Variants in SHANK2 observed in about 807,000 individuals in gnomAD.
The protein encoded by SHANK2 is SH3 and multiple ankyrin repeat domains 2.
In SHANK2, 43 loss-of-function variants were observed where a neutral mutation model predicts 133.7. That is an observed-to-expected ratio of 0.32 (90% CI 0.25 to 0.41). The LOEUF is 0.41. Among genes scored for constraint, SHANK2 ranks in the 10% least tolerant of loss-of-function variants. The pLI is 1.00. For synonymous variants in SHANK2, 1,017 were observed against 952.8 expected (o/e 1.07, Z -1.24); for missense variants, 1,994 against 2,235.8 (o/e 0.89, Z 2.18).
At chr11:70,709,480 G>A (rs1419699053) in intron 14 of SHANK2, among the ~76,000 whole-genome samples, 1 of 152,248 alleles carries the variant, frequency 6.6e-6, no homozygotes, top group African/African-American at 2.4e-5. Flanking sequence ...ACCTGGCTGA[G>A]GAAGGAGGAG....
intron 17 of SHANK2, among the ~76,000 whole-genome samples, chr11:70,533,057 G>C (rs568850818): frequency 2.6e-5 from 4 of 152,124 alleles, no homozygotes; most frequent in Admixed American, 1.3e-4. Flanking sequence ...AATTCACAGC[G>C]GCGGAAAGCA....
Position 70,671,264 on chromosome 11 carries a change from G to A in SHANK2, c.1854-9586C>T, listed in dbSNP as rs201006667. Among the ~76,000 whole-genome samples the A allele has an allele frequency of 1.1e-4, 16 of 152,240 alleles. No individual in the cohort carries two copies. The East Asian group carries it at 2.7e-3, about 26-fold the overall frequency. On this transcript the variant is annotated intron_variant, in intron 15 of 25. Transcript: ENST00000601538. ...ATCAGCGCTCCCTGCCGAGACGAAC[G>A]GAAACGTCGTCTAGGAGGGAGAATG...
At chr11:70,585,548 C>T (rs557324821) in intron 17 of SHANK2, among the ~76,000 whole-genome samples, 14 of 152,298 alleles carry the variant, frequency 9.2e-5, no homozygotes, top group East Asian at 5.8e-4. Flanking sequence ...TGCTTTTATC[C>T]AGACATCCAT....
At chr11:70,849,171 G>A (rs1240927309) in intron 11 of SHANK2, among the ~76,000 whole-genome samples, 1 of 152,232 alleles carries the variant, frequency 6.6e-6, no homozygotes, top group Non-Finnish European at 1.5e-5. Context: ...CCCATAGGCA[G>A]GGTGTGAGGA....
At chr11:70,942,730 G>A (rs782048582) in intron 10 of SHANK2, 20 of 456,348 alleles carry the variant, frequency 4.4e-5, no homozygotes, top group Non-Finnish European at 7.5e-5. Context: ...CCAAGCATCA[G>A]TTGCACTCTG....
At chr11:71,114,412 G>A (rs924589399) in intron 4 of SHANK2, among the ~76,000 whole-genome samples, 10 of 152,258 alleles carry the variant, frequency 6.6e-5, no homozygotes, top group African/African-American at 2.2e-4. Context: ...ACTGAAAGTC[G>A]CATCTCACAG....
intron 17 of SHANK2, among the ~76,000 whole-genome samples, chr11:70,563,348 C>A (rs1024104700): frequency 6.6e-5 from 10 of 152,166 alleles, no homozygotes; most frequent in African/African-American, 2.4e-4. Flanking sequence ...CAGTACACTT[C>A]CACTCTTCCC....
chr11:70,471,013 A>T lies in SHANK2; in HGVS notation c.*1856T>A. 3.1e-6 allele frequency: 1 copy of T among 325,856 alleles called. No homozygotes were observed. The highest frequency in any genetic ancestry group is 5.5e-6 in the Non-Finnish European group (1 of 181,694). 20.2% of individuals were successfully genotyped at this position (325,856 alleles called of 1,614,324 possible). A position where few individuals can be genotyped will look rare whatever the true frequency, so the allele number is the denominator to read the frequency against. On this transcript the variant is annotated 3_prime_UTR_variant, in exon 26 of 26. Transcript: ENST00000601538. The surrounding 1 kb of genome is among the most constrained non-coding windows in gnomAD (Gnocchi z 4.1). ...AGATGCATCCAAATAAGGTTGATTT[A>T]AAAAGGTCATACTTTTATAATTATT... is the stretch of plus-strand genomic sequence containing the variant.
At chr11:70,948,097 A>G (rs61885544) in intron 10 of SHANK2, among the ~76,000 whole-genome samples, 289 of 151,390 alleles carry the variant, frequency 1.9e-3, no homozygotes, top group Non-Finnish European at 3.5e-3. Context: ...TCCCTCTGAC[A>G]TCCTGAGGGC....
At chr11:71,074,818 A>G (rs1346349553) in intron 9 of SHANK2, among the ~76,000 whole-genome samples, 1 of 123,470 alleles carries the variant, frequency 8.1e-6, no homozygotes, top group Non-Finnish European at 1.6e-5. Context: ...CTCGCTCTGT[A>G]GCCCAGGCTG....
Position 71,118,979 on chromosome 11 carries a change from G to T in SHANK2, c.261C>A (p.Ile87=). The T allele has an allele frequency of 6.4e-7, 1 of 1,551,762 alleles. No individual in the cohort carries two copies. Among genetic ancestry groups the T allele is most frequent in the Non-Finnish European group, 8.7e-7 (1 of 1,147,002 alleles). ...DATVWVAKQR[I]LCTLTQSLKD... ...TCAAACTCTGGGTTAATGTACACAG[G>T]ATCCGCTGCTTTGCAACCCACACTG... The change falls in exon 4 of 26, where the codon ATC becomes ATA. Residue 87 remains isoleucine (I), a synonymous_variant. Transcript: ENST00000601538.
intron 1 of SHANK2, among the ~76,000 whole-genome samples, chr11:71,237,125 G>A (rs1182978893): frequency 1.3e-5 from 2 of 152,188 alleles, no homozygotes; most frequent in Non-Finnish European, 2.9e-5. Context: ...CAGCAAATGT[G>A]ATGCAAGCAA....
Position 70,586,660 on chromosome 11 carries a change from G to C in SHANK2, c.2061+73168C>G, listed in dbSNP as rs1419771060. On this transcript the variant is annotated intron_variant, in intron 17 of 25. Coordinates refer to ENST00000601538, the MANE Select transcript of SHANK2 (RefSeq NM_012309.5). The stretch of plus-strand genomic sequence containing the variant: ...TGCTGTGGAAACCAACTGGCAATGA[G>C]AAATTTAGCAATTTGAAAAAAGCAT... 2.0e-5 allele frequency among the ~76,000 whole-genome samples: 3 copies of C among 152,234 alleles called. No homozygotes were observed. The South Asian group carries it at 6.2e-4, about 32-fold the overall frequency.
At chr11:70,546,350 G>A (rs533681368) in intron 17 of SHANK2, among the ~76,000 whole-genome samples, 6 of 152,078 alleles carry the variant, frequency 3.9e-5, no homozygotes, top group Admixed American at 6.5e-5. Flanking sequence ...AGAATCATGT[G>A]GTTGGTTTTT....
intron 9 of SHANK2, among the ~76,000 whole-genome samples, chr11:71,074,883 C>T (rs1029589465): frequency 1.3e-4 from 19 of 151,046 alleles, no homozygotes; most frequent in Non-Finnish European, 1.9e-4. Context: ...GGGTTCACGC[C>T]ATTCTCCTGC....
rs2058825595 is a variant in SHANK2 at position 70,487,367 on chromosome 11, T to C, written c.2926A>G (p.Asn976Asp). 6.2e-7 allele frequency: 1 copy of C among 1,614,130 alleles called. No individual in the cohort carries two copies. Among genetic ancestry groups the C allele is most frequent in the South Asian group, 1.1e-5 (1 of 91,090 alleles). ...ATCTGGCCTCTCTTGTTGCGGAAGT[T>C]GGCTTGCGGGCCGGCATTCCGACTG... ...LYSRNAGPQA[N>D]FRNKRGQMPE... The change falls in exon 25 of 26, where the codon AAC (asparagine) becomes GAC (aspartate). Residue 976 changes from asparagine (N) to aspartate (D), a missense_variant. By Grantham distance (23) the Asn-to-Asp change is conservative. Coordinates refer to ENST00000601538, the MANE Select transcript of SHANK2 (RefSeq NM_012309.5). This position sits in a 1 kb window ranked among gnomAD's most constrained non-coding sequence, Gnocchi z 5.8.
At chr11:70,619,563 G>A (rs927448053) in intron 17 of SHANK2, among the ~76,000 whole-genome samples, 2 of 152,182 alleles carry the variant, frequency 1.3e-5, no homozygotes, top group Non-Finnish European at 2.9e-5. Context: ...CTGCAAAGCC[G>A]CCTTTCCCAT....
intron 11 of SHANK2, among the ~76,000 whole-genome samples, chr11:70,888,044 G>A (rs1375791255): frequency 3.3e-5 from 5 of 152,134 alleles, no homozygotes; most frequent in Non-Finnish European, 5.9e-5. Flanking sequence ...ATGCAGAAAC[G>A]CCATGATTCC....
chr11:71,137,718 A>T (rs1365756705), intron 3 of SHANK2, among the ~76,000 whole-genome samples: 1 of 152,146 alleles, frequency 6.6e-6, no homozygotes, highest in South Asian at 2.1e-4. Flanking sequence ...ACCTGGAAAA[A>T]TCCACCCGAG....
Sources: allele counts gnomAD v4.1 joint callset (sites outside exome capture counted in the v4.1 genomes callset), GRCh38; gene constraint gnomAD v4.1.1; non-coding constraint Gnocchi (gnomAD v3.1); transcripts MANE v1.5; gene names NCBI Gene and HGNC (gene_info 2026-07-23, HGNC 2026-07-21).